The following GRM3 variants were observed in gnomAD, a reference collection of about 807,000 sequenced individuals.
The protein encoded by GRM3 is glutamate metabotropic receptor 3.
GRM3 carries 26 observed loss-of-function variants against 70.5 expected under a neutral mutation model. That is an observed-to-expected ratio of 0.37 (90% confidence interval 0.27 to 0.51). The LOEUF (loss-of-function observed/expected upper bound fraction) is 0.51, where lower values mean the gene tolerates loss of function less well. Ranked by LOEUF, GRM3 falls within the 20% of genes least tolerant of loss-of-function variation. The probability of loss-of-function intolerance (pLI) is 0.93; values close to 1 mark genes in which losing one functional copy is unlikely to be tolerated. For synonymous variants in GRM3, 443 were observed against 434.9 expected (o/e 1.02, Z -0.23); for missense variants, 859 against 1,123.8 (o/e 0.76, Z 3.37).
intron 1 of GRM3, among the ~76,000 whole-genome samples, chr7:86,743,702 C>A (rs765789220): frequency 1.3e-5 from 2 of 152,054 alleles, no homozygotes; most frequent in Non-Finnish European, 2.9e-5. Flanking sequence ...ATTTACATTA[C>A]AACAAGGGCC....
chr7:86,797,031 G>C lies in GRM3; in HGVS notation c.1324+9915G>C, dbSNP rs527498750. ...TTGATTGTGAGGCTGCCCCAGCCAT[G>C]TGGAATTGTGAGTCCATTCAACATC... is the stretch of plus-strand genomic sequence containing the variant. On this transcript the variant is annotated intron_variant, in intron 3 of 5. Transcript: ENST00000361669. 2.6e-5 allele frequency among the ~76,000 whole-genome samples: 4 copies of C among 152,356 alleles called. No homozygotes were observed. In the South Asian group the frequency reaches 8.3e-4, roughly 32 times the overall value.
intron 1 of GRM3, among the ~76,000 whole-genome samples, chr7:86,673,203 C>A (rs1354280634): frequency 6.6e-6 from 1 of 152,160 alleles, no homozygotes; most frequent in Admixed American, 6.6e-5. Flanking sequence ...TCCTTGCTTA[C>A]TTTGTTCCTC....
chr7:86,681,037 C>A (rs1047448733), intron 1 of GRM3, among the ~76,000 whole-genome samples: 2 of 152,098 alleles, frequency 1.3e-5, no homozygotes, highest in Non-Finnish European at 2.9e-5. Flanking sequence ...ATTATCACAG[C>A]ATTTCTATAG....
In GRM3 at chr7:86,786,978, G is replaced by T; in HGVS notation, c.1186G>T (p.Ala396Ser). The T allele has an allele frequency of 6.2e-7, 1 of 1,614,130 alleles. No homozygotes were observed. The highest frequency in any genetic ancestry group is 1.1e-5 in the South Asian group (1 of 91,088). The part of the protein sequence containing the change: ...QESKIMFVVN[A>S]VYAMAHALHK... The stretch of plus-strand genomic sequence containing the variant: ...GTCCAAGATCATGTTTGTGGTGAAC[G>T]CGGTGTATGCCATGGCCCACGCTTT... Residue 396 changes from alanine to serine, a missense_variant, in exon 3 of 6, where the codon GCG (alanine) becomes TCG (serine). Physicochemically the swap from Ala to Ser is moderately conservative, Grantham distance 99. Coordinates refer to ENST00000361669, the MANE Select transcript of GRM3 (RefSeq NM_000840.3). The surrounding 1 kb of genome is among the most constrained non-coding windows in gnomAD (Gnocchi z 6.0).
chr7:86,695,347 A>G (rs1371203996), intron 1 of GRM3, among the ~76,000 whole-genome samples: 6 of 152,216 alleles, frequency 3.9e-5, no homozygotes, highest in African/African-American at 1.2e-4. Context: ...TTAAAGTTAT[A>G]TAATCCCTAG....
chr7:86,705,699 A>G (rs913525791), intron 1 of GRM3, among the ~76,000 whole-genome samples: 3 of 152,116 alleles, frequency 2.0e-5, no homozygotes, highest in African/African-American at 7.2e-5. Context: ...TGCTGCAAAC[A>G]AAAACAAAAC....
intron 1 of GRM3, among the ~76,000 whole-genome samples, chr7:86,745,095 A>G (rs1043506739): frequency 2.6e-5 from 4 of 152,022 alleles, no homozygotes; most frequent in South Asian, 2.1e-4. Flanking sequence ...CTTCCATCTC[A>G]TAACTCCAGA....
At chr7:86,747,779 A>T (rs1291886985) in intron 1 of GRM3, among the ~76,000 whole-genome samples, 1 of 152,146 alleles carries the variant, frequency 6.6e-6, no homozygotes, top group Non-Finnish European at 1.5e-5. Flanking sequence ...TTCTTCAAGA[A>T]CATAACACAG....
intron 1 of GRM3, among the ~76,000 whole-genome samples, chr7:86,669,269 AG>A (rs1204818961): frequency 6.6e-6 from 1 of 152,200 alleles, no homozygotes; most frequent in Non-Finnish European, 1.5e-5. Flanking sequence ...CCCAGTCATC[AG>A]TATTTTTCAA....
intron 3 of GRM3, among the ~76,000 whole-genome samples, chr7:86,811,954 G>T (rs1212069654): frequency 6.6e-6 from 1 of 151,070 alleles, no homozygotes; most frequent in Non-Finnish European, 1.5e-5. Flanking sequence ...TTGATATATA[G>T]CTTATAATTT....
intron 1 of GRM3, among the ~76,000 whole-genome samples, chr7:86,758,020 A>G (rs1415065061): frequency 6.6e-6 from 1 of 152,164 alleles, no homozygotes; most frequent in African/African-American, 2.4e-5. Flanking sequence ...ACGTCTTCCT[A>G]AATCCTAATT....
intron 3 of GRM3, among the ~76,000 whole-genome samples, chr7:86,794,430 T>A (rs1223910684): frequency 3.9e-5 from 6 of 152,140 alleles, no homozygotes; most frequent in Non-Finnish European, 1.5e-5. Flanking sequence ...GGACCATGAG[T>A]GTATGGGAAG....
chr7:86,749,710 T>A (rs995754702), intron 1 of GRM3, among the ~76,000 whole-genome samples: 5 of 152,008 alleles, frequency 3.3e-5, no homozygotes, highest in Admixed American at 6.6e-5. Context: ...AATGTAGGAA[T>A]TTAAGTTAAG....
chr7:86,717,548 T>C (rs776732893), intron 1 of GRM3, among the ~76,000 whole-genome samples: 1 of 151,972 alleles, frequency 6.6e-6, no homozygotes, highest in Non-Finnish European at 1.5e-5. Flanking sequence ...TACAAAGGTA[T>C]TCTGAAGCTT....
Position 86,839,575 on chromosome 7 carries a change from T to C in GRM3, c.2061T>C (p.Ser687=), listed in dbSNP as rs1798522610. Residue 687 remains serine, a synonymous_variant, in exon 4 of 6, where the codon TCT becomes TCC. Coordinates refer to ENST00000361669, the MANE Select transcript of GRM3 (RefSeq NM_000840.3). This position sits in a 1 kb window ranked among gnomAD's most constrained non-coding sequence, Gnocchi z 4.5. The stretch of plus-strand genomic sequence containing the variant: ...GGCCAAAATTCATCAGCCCCAGTTC[T>C]CAGGTTTTCATCTGCCTGGGTCTGA... The part of the protein sequence containing the change: ...AQRPKFISPS[S]QVFICLGLIL... 6.2e-7 allele frequency: 1 copy of C among 1,612,494 alleles called. No homozygotes were observed. The highest frequency in any genetic ancestry group is 1.1e-5 in the South Asian group (1 of 90,928).
chr7:86,757,719 A>T (rs191127791), intron 1 of GRM3, among the ~76,000 whole-genome samples: 69 of 152,314 alleles, frequency 4.5e-4, no homozygotes, highest in Admixed American at 3.5e-3. Context: ...ATGGCAGGAA[A>T]GTGCCCTGTG....
chr7:86,736,440 G>T (rs1001136507), intron 1 of GRM3, among the ~76,000 whole-genome samples: 3 of 152,160 alleles, frequency 2.0e-5, no homozygotes, highest in African/African-American at 7.2e-5. Context: ...AATAAATAAT[G>T]TCTCAACACA....
chr7:86,782,452 C>G (rs1797096401), intron 2 of GRM3, among the ~76,000 whole-genome samples: 1 of 152,052 alleles, frequency 6.6e-6, no homozygotes, highest in Non-Finnish European at 1.5e-5. Context: ...AGGGATGGAG[C>G]AGCATCTTTC....
At chr7:86,681,554 C>G (rs1794441236) in intron 1 of GRM3, among the ~76,000 whole-genome samples, 1 of 151,982 alleles carries the variant, frequency 6.6e-6, no homozygotes, top group African/African-American at 2.4e-5. Flanking sequence ...TTTAATTTAG[C>G]AAAGACTTTG....
Sources: gnomAD v4.1 joint callset for allele counts (sites outside exome capture counted in the v4.1 genomes callset) on GRCh38, gnomAD v4.1.1 for gene constraint, Gnocchi (gnomAD v3.1) non-coding constraint, MANE v1.5 for transcripts, NCBI Gene and HGNC (gene_info 2026-07-23, HGNC 2026-07-21) for gene names.